The following CUX1 variants were observed in gnomAD, a reference collection of about 807,000 sequenced individuals.
CUX1 encodes cut like homeobox 1.
A neutral mutation model predicts 158.8 loss-of-function variants in CUX1; 31 were observed. The ratio of observed to expected loss-of-function variants is 0.20; its 90% CI spans 0.15 to 0.26. The LOEUF is 0.26. Among genes scored for constraint, CUX1 ranks in the 10% least tolerant of loss-of-function variants. CUX1 has a pLI of 1.00. For synonymous variants in CUX1, 879 were observed against 862.1 expected, an observed-to-expected ratio of 1.02 and a Z score of -0.34; for missense variants, 1,589 against 2,014.6, an observed-to-expected ratio of 0.79 and a Z score of 4.04.
At chr7:102,188,989 C>T (rs1410616589) in intron 11 of CUX1, among the ~76,000 whole-genome samples, 6 of 152,092 alleles carry the variant, frequency 3.9e-5, no homozygotes, top group African/African-American at 1.4e-4. Context: ...CAGGGCCCTC[C>T]CCGCAGGACT....
In CUX1 at chr7:102,201,727, G is replaced by A. The variant is rs782371771; in HGVS notation, c.2430G>A (p.Val810=). The stretch of plus-strand genomic sequence containing the variant: ...GTGCACAAGGGGTCCTGAGACAGGT[G>A]AAAAATGAGGTGGGCCGCAGCGGTG... ...ADCAQGVLRQ[V]KNEVGRSGAW... The change falls in exon 18 of 24, where the codon GTG becomes GTA. Residue 810 remains valine (V), a synonymous_variant. Coordinates refer to ENST00000292535, the MANE Select transcript of CUX1 (RefSeq NM_181552.4). This position sits in a 1 kb window ranked among gnomAD's most constrained non-coding sequence, Gnocchi z 5.0. 2.5e-6 allele frequency: 4 copies of A among 1,612,582 alleles called. No individual in the cohort carries two copies. Among genetic ancestry groups the A allele is most frequent in the South Asian group, 1.1e-5 (1 of 91,076 alleles).
At chr7:102,209,095 C>T (rs1050348059) in intron 20 of CUX1, among the ~76,000 whole-genome samples, 41 of 152,182 alleles carry the variant, frequency 2.7e-4, no homozygotes, top group Non-Finnish European at 4.9e-4. Flanking sequence ...AGAGTGGCCT[C>T]GCCCATCTGA....
chr7:101,846,987 A>T (rs563815444), intron 1 of CUX1, among the ~76,000 whole-genome samples: 57 of 152,100 alleles, frequency 3.7e-4, no homozygotes, highest in African/African-American at 1.3e-3. Flanking sequence ...TTAAAAAATT[A>T]AAAAAAATTA....
chr7:102,224,269 C>T (rs536564999), intron 20 of CUX1, among the ~76,000 whole-genome samples: 2 of 152,152 alleles, frequency 1.3e-5, no homozygotes, highest in South Asian at 2.1e-4. Context: ...TGCCATGGCA[C>T]GATCTCAGCT....
intron 1 of CUX1, chr7:101,822,382 C>T (rs1792753064): frequency 6.6e-6 from 1 of 152,242 alleles, no homozygotes; most frequent in Non-Finnish European, 1.5e-5. Flanking sequence ...TCCAGCTTCT[C>T]TGCTGTCTTC....
At position 102,123,972 on chromosome 7, in the gene CUX1, A is replaced by G. The variant is rs548209386; in HGVS notation, c.674+8699A>G. 4.6e-5 allele frequency among the ~76,000 whole-genome samples: 7 copies of G among 152,258 alleles called. No homozygotes were observed. In the South Asian group the frequency reaches 1.5e-3, roughly 32 times the overall value. ...GCCACCGCGCCTGGCCAATAAAGCA[A>G]TCATATTCATCCAGCATCCTTTGAG... On this transcript the variant is annotated intron_variant, in intron 8 of 23. Coordinates refer to ENST00000292535, the MANE Select transcript of CUX1 (RefSeq NM_181552.4).
intron 14 of CUX1, among the ~76,000 whole-genome samples, chr7:102,269,572 A>ATT (rs71123030): frequency 0.026 from 2,847 of 107,622 alleles, 48 homozygotes; most frequent in African/African-American, 0.046. Flanking sequence ...TGCCCGGCTA[A>ATT]TTTTTTTTTT....
chr7:102,216,457 G>A (rs572563111), intron 20 of CUX1, among the ~76,000 whole-genome samples: 1 of 151,808 alleles, frequency 6.6e-6, no homozygotes, highest in East Asian at 2.0e-4. Flanking sequence ...GGGATGGGTA[G>A]GTTTGTCCAA....
chr7:102,033,612 A>AT (rs1821054415), intron 3 of CUX1, among the ~76,000 whole-genome samples: 2 of 152,244 alleles, frequency 1.3e-5, no homozygotes, highest in Admixed American at 1.3e-4. Flanking sequence ...AACTACCAAA[A>AT]TTGATTAAAG....
chr7:102,201,378 C>T lies in CUX1; in HGVS notation c.2081C>T (p.Ser694Phe). 1 of 1,613,692 alleles carries T rather than the reference C, an allele frequency of 6.2e-7. No homozygotes were observed. The highest frequency in any genetic ancestry group is 8.5e-7 in the Non-Finnish European group (1 of 1,179,868). ...VQKTAEPAQPSSASGSGNSDD... is the reference protein window; with the variant it reads ...VQKTAEPAQPFSASGSGNSDD... ...CATGCAGCAGAGCCGGCCCAGCCTT[C>T]CTCCGCATCCGGCAGCGGGAACTCT... Residue 694 changes from serine (S) to phenylalanine (F), a missense_variant, in exon 18 of 24, where the codon TCC becomes TTC. Transcript: ENST00000292535. This position sits in a 1 kb window ranked among gnomAD's most constrained non-coding sequence, Gnocchi z 5.0.
intron 9 of CUX1, among the ~76,000 whole-genome samples, chr7:102,165,081 A>G (rs1216323061): frequency 1.3e-5 from 2 of 152,094 alleles, no homozygotes; most frequent in African/African-American, 2.4e-5. Flanking sequence ...GAGCCTCCCA[A>G]GAGAATTCCT....
intron 1 of CUX1, among the ~76,000 whole-genome samples, chr7:101,883,955 G>A (rs1799975497): frequency 1.3e-5 from 2 of 151,722 alleles, no homozygotes; most frequent in South Asian, 2.1e-4. Flanking sequence ...CTGCAGTGGT[G>A]CAATCATAGC....
At chr7:101,961,295 T>G (rs775928420) in intron 2 of CUX1, 26 of 152,102 alleles carry the variant, frequency 1.7e-4, no homozygotes, top group Non-Finnish European at 2.5e-4. Flanking sequence ...TGTAATAAGA[T>G]CTCCACAGGG....
chr7:102,068,116 T>C (rs1437764254), intron 3 of CUX1, among the ~76,000 whole-genome samples: 2 of 151,762 alleles, frequency 1.3e-5, no homozygotes. Flanking sequence ...ATTTGAGACA[T>C]GGTCTCGCTG....
At chr7:101,851,724 T>A (rs542795414) in intron 1 of CUX1, among the ~76,000 whole-genome samples, 4 of 152,360 alleles carry the variant, frequency 2.6e-5, no homozygotes, top group African/African-American at 9.6e-5. Context: ...GTGGTTCTTA[T>A]GGCCTGGTCT....
rs373456238 is a variant in CUX1 at position 102,200,178 on chromosome 7, G to C, written c.2062+6G>C. On this transcript the variant is annotated splice_donor_region_variant and intron_variant, in intron 17 of 23. Coordinates refer to ENST00000292535, the MANE Select transcript of CUX1 (RefSeq NM_181552.4). ...GCTCCAAGTGCAGAAAACTGGTACA[G>C]CTTCCATTTCTTCATCCACTGTCTT... 3.7e-6 allele frequency: 6 copies of C among 1,603,158 alleles called. No individual in the cohort carries two copies. Among genetic ancestry groups the C allele is most frequent in the Non-Finnish European group, 4.3e-6 (5 of 1,174,892 alleles).
At chr7:102,200,254 C>CT in intron 17 of CUX1, 82 bp downstream of exon 17, 5 of 1,128,398 alleles carry the variant, frequency 4.4e-6, no homozygotes, top group Non-Finnish European at 6.1e-6. Flanking sequence ...CAGTAATTAA[C>CT]TATTTTTTTT....
chr7:101,847,365 C>A (rs17135821), intron 1 of CUX1, among the ~76,000 whole-genome samples: 2,302 of 152,134 alleles, frequency 0.015, 68 homozygotes, highest in African/African-American at 0.053. Flanking sequence ...CCATGTTTGG[C>A]GGCACCTGAT....
intron 7 of CUX1, among the ~76,000 whole-genome samples, chr7:102,112,264 C>T (rs1432546778): frequency 7.8e-6 from 1 of 127,716 alleles, no homozygotes; most frequent in Non-Finnish European, 1.6e-5. Flanking sequence ...TTTTTTGAGA[C>T]GGAGTCTCGC....
Sources: allele counts gnomAD v4.1 joint callset (sites outside exome capture counted in the v4.1 genomes callset), GRCh38; gene constraint gnomAD v4.1.1; non-coding constraint Gnocchi (gnomAD v3.1); transcripts MANE v1.5; gene names NCBI Gene and HGNC (gene_info 2026-07-23, HGNC 2026-07-21).